The following FBXO39 variants were observed in gnomAD, a reference collection of about 807,000 sequenced individuals.
The protein encoded by FBXO39 is F-box only protein 39.
In FBXO39, 22 loss-of-function variants were observed where a neutral mutation model predicts 36.6. The ratio of observed to expected loss-of-function variants is 0.60; its 90% CI spans 0.43 to 0.86. The LOEUF is 0.86. FBXO39 is among the 40% of genes least tolerant of loss of function. The pLI is 0.00. For missense variants in FBXO39, 536 were observed against 543.9 expected, an observed-to-expected ratio of 0.99 and a Z score of 0.14; for synonymous variants, 206 against 205.8, an observed-to-expected ratio of 1.00 and a Z score of -0.01.
Position 6,780,368 on chromosome 17 carries a change from T to C in FBXO39, c.500T>C (p.Leu167Pro). ...AAGATGGGCAAACGCCTGGATTATC[T>C]CAACCTAAAAGGGGCCAGGCTGACC... Reference protein sequence around the residue: ...LKKMGKRLDYLNLKGARLTVE... With the variant: ...LKKMGKRLDYPNLKGARLTVE... The change falls in exon 2 of 4, where the codon CTC becomes CCC. Residue 167 changes from leucine (L) to proline (P), a missense_variant. Physicochemically the swap from Leu to Pro is moderately conservative, Grantham distance 98. Transcript: ENST00000321535. 6.2e-7 allele frequency: 1 copy of C among 1,614,104 alleles called. No individual in the cohort carries two copies.
intron 1 of FBXO39, among the ~76,000 whole-genome samples, chr17:6,777,969 G>T (rs1976454251): frequency 6.6e-6 from 1 of 152,162 alleles, no homozygotes; most frequent in African/African-American, 2.4e-5. Flanking sequence ...AAGTGATGGC[G>T]TAGTGAGGAC....
intron 1 of FBXO39, among the ~76,000 whole-genome samples, chr17:6,776,730 A>C (rs1012655616): frequency 6.6e-6 from 1 of 152,120 alleles, no homozygotes. Flanking sequence ...CGTGGCAGGC[A>C]CTCACTGTTC....
Position 6,787,514 on chromosome 17 carries a change from C to T in FBXO39, c.*86C>T. 1.3e-6 allele frequency: 2 copies of T among 1,517,924 alleles called. No individual in the cohort carries two copies. Among genetic ancestry groups the T allele is most frequent in the African/African-American group, 1.4e-5 (1 of 71,684 alleles). 94.0% of individuals were successfully genotyped at this position (1,517,924 alleles called of 1,614,324 possible). A position where few individuals can be genotyped will look rare whatever the true frequency, so the allele number is the denominator to read the frequency against. On this transcript the variant is annotated 3_prime_UTR_variant, in exon 4 of 4. Transcript: ENST00000321535. ...GAACTACACTTGGGCACTGCCGGCC[C>T]TTTTGCTCCTCTCTCTCCCCTCCAC...
chr17:6,780,332 T>G lies in FBXO39; in HGVS notation c.464T>G (p.Phe155Cys), dbSNP rs199763057. 5.0e-5 allele frequency: 80 copies of G among 1,614,020 alleles called. No individual in the cohort carries two copies. Among genetic ancestry groups the G allele is most frequent in the Non-Finnish European group, 6.3e-5 (74 of 1,180,032 alleles). Reference protein sequence around the residue: ...IRSSFISSLSFFLKKMGKRLD... With the variant: ...IRSSFISSLSCFLKKMGKRLD... Reference sequence around the variant, plus strand: ...AGCTCATTCATCAGCAGCTTGAGCTTCTTCTTAAAGAAGATGGGCAAACGC... The same window carrying G: ...AGCTCATTCATCAGCAGCTTGAGCTGCTTCTTAAAGAAGATGGGCAAACGC... Residue 155 changes from phenylalanine to cysteine, a missense_variant, in exon 2 of 4, where the codon TTC becomes TGC. Phe to Cys is a radical substitution (Grantham distance 205). Transcript: ENST00000321535.
At chr17:6,786,668 C>T (rs367964912) in intron 2 of FBXO39, 112 bp from the exon 3 acceptor site, 18 of 853,100 alleles carry the variant, frequency 2.1e-5, no homozygotes, top group East Asian at 1.3e-4. Flanking sequence ...TAAAAACCCC[C>T]AAATCATCAT....
chr17:6,779,687 C>G, intron 1 of FBXO39, 102 bp from the exon 2 acceptor site: 1 of 630,322 alleles, frequency 1.6e-6, no homozygotes, highest in East Asian at 2.8e-5. Context: ...CCACCCACAC[C>G]TGGCACAGTG....
chr17:6,777,759 A>T (rs1976450412), intron 1 of FBXO39, among the ~76,000 whole-genome samples: 1 of 152,192 alleles, frequency 6.6e-6, no homozygotes, highest in Non-Finnish European at 1.5e-5. Context: ...AAGGACACAG[A>T]TTATACAAAG....
Position 6,780,218 on chromosome 17 carries a change from C to T in FBXO39, c.350C>T (p.Ser117Phe). Residue 117 changes from serine (S) to phenylalanine (F), a missense_variant, in exon 2 of 4, where the codon TCT (serine) becomes TTT (phenylalanine). Physicochemically the swap from Ser to Phe is radical, Grantham distance 155. Transcript: ENST00000321535. ...KFQVTMRGLL[S>F]CLSKSNNRLK... ...CAGGTCACCATGCGGGGCCTCCTGT[C>T]TTGTCTGAGTAAGAGCAACAACCGT... The T allele has an allele frequency of 6.2e-7, 1 of 1,614,198 alleles. No individual in the cohort carries two copies. Among genetic ancestry groups the T allele is most frequent in the Non-Finnish European group, 8.5e-7 (1 of 1,180,032 alleles).
chr17:6,778,922 G>T (rs1464362925), intron 1 of FBXO39, among the ~76,000 whole-genome samples: 1 of 152,016 alleles, frequency 6.6e-6, no homozygotes, highest in African/African-American at 2.4e-5. Context: ...ACAATGCCTG[G>T]ACTCTGCTCT....
chr17:6,780,967 C>A, intron 2 of FBXO39, 76 bp downstream of exon 2: 1 of 1,432,352 alleles, frequency 7.0e-7, no homozygotes, highest in Non-Finnish European at 9.4e-7. Flanking sequence ...GCTGCCTGCT[C>A]TTGGCTAGGC....
intron 3 of FBXO39, 72 bp from the exon 4 acceptor site, chr17:6,787,228 G>A (rs1976583053): frequency 6.7e-5 from 102 of 1,521,932 alleles, no homozygotes; most frequent in Non-Finnish European, 8.9e-5. Context: ...GTCACCGTGT[G>A]TGTGTGTGTA....
In FBXO39 at chr17:6,786,945, C is replaced by G; in HGVS notation, c.1189C>G (p.Arg397Gly). 1 of 1,612,500 alleles carries G rather than the reference C, an allele frequency of 6.2e-7. No homozygotes were observed. Among genetic ancestry groups the G allele is most frequent in the Non-Finnish European group, 8.5e-7 (1 of 1,179,186 alleles). Residue 397 changes from arginine to glycine, a missense_variant, in exon 3 of 4, where the codon CGT (arginine) becomes GGT (glycine). Coordinates refer to ENST00000321535, the MANE Select transcript of FBXO39 (RefSeq NM_153230.3). ...TCAGAAAGAACGGCAGTGTGCCCTG[C>G]GTGTATTCAAGGTAAGAGGTCCCCA... ...KSQKERQCAL[R>G]VFKARIYTNR... is the part of the protein sequence containing the mutation.
rs146140736 is a variant in FBXO39 at position 6,779,561 on chromosome 17, AG to A, written c.-80-227del. ...TGCATGTGTGCTACCCCACACTATG[AG>A]TCTGCCTGAACCTTCCTGCTCTCTC... is the stretch of plus-strand genomic sequence containing the variant. On this transcript the variant is annotated intron_variant, in intron 1 of 3. Coordinates refer to ENST00000321535, the MANE Select transcript of FBXO39 (RefSeq NM_153230.3). 1.6e-4 allele frequency among the ~76,000 whole-genome samples: 25 copies of A among 152,248 alleles called. No homozygotes were observed. The East Asian group carries it at 3.9e-3, about 24-fold the overall frequency.
intron 3 of FBXO39, 62 bp from the exon 4 acceptor site, chr17:6,787,232 GTGTGTA>G (rs1380740401): frequency 5.8e-4 from 865 of 1,492,054 alleles, no homozygotes; most frequent in Admixed American, 1.8e-3. Flanking sequence ...CCGTGTGTGT[GTGTGTA>G]TGTGTGTGTG....
chr17:6,780,527 T>C lies in FBXO39; in HGVS notation c.659T>C (p.Met220Thr). Residue 220 changes from methionine (M) to threonine (T), a missense_variant, in exon 2 of 4, where the codon ATG (methionine) becomes ACG (threonine). By Grantham distance (81) the Met-to-Thr change is moderately conservative. Coordinates refer to ENST00000321535, the MANE Select transcript of FBXO39 (RefSeq NM_153230.3). ...VYNSPQFKKT[M>T]STFHNLVSLN... ...AACAGCCCCCAGTTCAAAAAGACCA[T>C]GTCCACATTCCACAATCTTGTGTCC... 2 of 1,614,110 alleles carry C rather than the reference T, an allele frequency of 1.2e-6. No homozygotes were observed. Among genetic ancestry groups the C allele is most frequent in the Non-Finnish European group, 1.7e-6 (2 of 1,180,022 alleles).
chr17:6,782,478 G>A (rs1976521097), intron 2 of FBXO39, among the ~76,000 whole-genome samples: 1 of 152,068 alleles, frequency 6.6e-6, no homozygotes, highest in Non-Finnish European at 1.5e-5. Context: ...AAAGACATAG[G>A]TGGCTGAACA....
chr17:6,782,605 A>C (rs1976523151), intron 2 of FBXO39, among the ~76,000 whole-genome samples: 1 of 152,194 alleles, frequency 6.6e-6, no homozygotes, highest in African/African-American at 2.4e-5. Context: ...GATGGAAACC[A>C]AAAAAGAGGA....
At chr17:6,783,134 A>C (rs1454450438) in intron 2 of FBXO39, among the ~76,000 whole-genome samples, 1 of 152,178 alleles carries the variant, frequency 6.6e-6, no homozygotes, top group Non-Finnish European at 1.5e-5. Flanking sequence ...AATTATATGA[A>C]GACATGGAAA....
Position 6,786,490 on chromosome 17 carries a change from CTA to C in FBXO39, c.1024-289_1024-288del, listed in dbSNP as rs1976572337. On this transcript the variant is annotated intron_variant, in intron 2 of 3. Transcript: ENST00000321535. ...CATTTAATTGTACATTTTTTAAAAA[CTA>C]AAAGAGTATAATTGGATTGTTTGTA... is the stretch of plus-strand genomic sequence containing the variant. Among the ~76,000 whole-genome samples the C allele has an allele frequency of 2.6e-5, 4 of 152,084 alleles. No homozygotes were observed. The South Asian group carries it at 6.2e-4, about 24-fold the overall frequency.
Sources: allele counts gnomAD v4.1 joint callset (sites outside exome capture counted in the v4.1 genomes callset), GRCh38; gene constraint gnomAD v4.1.1; transcripts MANE v1.5; gene names NCBI Gene and HGNC (gene_info 2026-07-23, HGNC 2026-07-21).